The following SYK variants were observed in gnomAD, a reference collection of about 807,000 sequenced individuals.
The protein encoded by SYK is tyrosine-protein kinase SYK.
A neutral mutation model predicts 77.8 loss-of-function variants in SYK; 16 were observed. That is an observed-to-expected ratio of 0.21 (90% CI 0.14 to 0.31). The LOEUF is 0.31. Among genes scored for constraint, SYK ranks in the 10% least tolerant of loss-of-function variants. The pLI, the probability that SYK is intolerant of heterozygous loss-of-function variation, is 1.00. For synonymous variants in SYK, 312 were observed against 308.7 expected (o/e 1.01, Z -0.11); for missense variants, 529 against 814.4 (o/e 0.65, Z 4.26).
At chr9:90,853,364 T>A (rs1277068691) in intron 3 of SYK, among the ~76,000 whole-genome samples, 1 of 151,212 alleles carries the variant, frequency 6.6e-6, no homozygotes, top group Non-Finnish European at 1.5e-5. Context: ...AGCCATCCCA[T>A]TACTGGGTAT....
At chr9:90,830,896 A>T (rs1825863752) in intron 1 of SYK, among the ~76,000 whole-genome samples, 2 of 152,006 alleles carry the variant, frequency 1.3e-5, no homozygotes, top group African/African-American at 4.8e-5. Flanking sequence ...CCTCTTTCTT[A>T]TGAAAATTAA....
intron 7 of SYK, 51 bp downstream of exon 7, chr9:90,867,250 G>C (rs112910205): frequency 1.3e-6 from 2 of 1,580,544 alleles, no homozygotes; most frequent in South Asian, 2.2e-5. Flanking sequence ...GGACCAACGC[G>C]CACTCAGCTC....
At chr9:90,835,361 G>T (rs1307254816) in intron 1 of SYK, among the ~76,000 whole-genome samples, 1 of 152,190 alleles carries the variant, frequency 6.6e-6, no homozygotes, top group Non-Finnish European at 1.5e-5. Flanking sequence ...AGCTGGACAC[G>T]GGCCCAGGAA....
chr9:90,856,028 G>A (rs1827025921), intron 3 of SYK, among the ~76,000 whole-genome samples: 1 of 152,162 alleles, frequency 6.6e-6, no homozygotes, highest in African/African-American at 2.4e-5. Flanking sequence ...TTATTGGACT[G>A]GTTCCGATAA....
chr9:90,864,985 G>T, intron 5 of SYK, 63 bp from the exon 6 acceptor site: 3 of 1,499,868 alleles, frequency 2.0e-6, no homozygotes, highest in Non-Finnish European at 2.8e-6. Flanking sequence ...GATCTGCAGT[G>T]GGGAGGGGAA....
chr9:90,886,420 A>G (rs1828579687), intron 11 of SYK, among the ~76,000 whole-genome samples: 1 of 152,160 alleles, frequency 6.6e-6, no homozygotes, highest in Admixed American at 6.6e-5. Context: ...CAAAACAAAA[A>G]CAGGCTGGGC....
intron 6 of SYK, among the ~76,000 whole-genome samples, 182 bp from the exon 7 acceptor site, chr9:90,866,949 G>A (rs1277943245): frequency 6.6e-6 from 1 of 152,170 alleles, no homozygotes; most frequent in African/African-American, 2.4e-5. Context: ...CTTCCCAAGT[G>A]GCAGGCCCTT....
intron 1 of SYK, among the ~76,000 whole-genome samples, chr9:90,812,124 G>A (rs2387340): frequency 0.78 from 117,876 of 151,512 alleles, 46,268 homozygotes; most frequent in East Asian, 0.99. Flanking sequence ...CAGCAGCTTT[G>A]GGGGGAGGGG....
At chr9:90,891,367 T>C (rs1220016128) in intron 13 of SYK, among the ~76,000 whole-genome samples, 1 of 152,054 alleles carries the variant, frequency 6.6e-6, no homozygotes, top group African/African-American at 2.4e-5. Flanking sequence ...CAGGATGGTC[T>C]CGATCTCCTG....
chr9:90,833,181 T>C (rs949139350), intron 1 of SYK, among the ~76,000 whole-genome samples: 1 of 152,212 alleles, frequency 6.6e-6, no homozygotes, highest in African/African-American at 2.4e-5. Flanking sequence ...AGCCACTCTG[T>C]GTGCAAGGGA....
At chr9:90,844,393 C>T (rs551467167) in intron 2 of SYK, 78 bp downstream of exon 2, 2 of 1,416,928 alleles carry the variant, frequency 1.4e-6, no homozygotes, top group Admixed American at 2.8e-5. Context: ...ACATGCAACA[C>T]ATGTGCCTAT....
At chr9:90,830,108 T>C (rs1327361536) in intron 1 of SYK, among the ~76,000 whole-genome samples, 1 of 152,284 alleles carries the variant, frequency 6.6e-6, no homozygotes, top group African/African-American at 2.4e-5. Flanking sequence ...GTTTCTGAAT[T>C]GTGTATCTCT....
intron 9 of SYK, among the ~76,000 whole-genome samples, chr9:90,876,927 A>G (rs1316794973): frequency 6.6e-6 from 1 of 152,252 alleles, no homozygotes; most frequent in Non-Finnish European, 1.5e-5. Flanking sequence ...GTGAATCCCA[A>G]GATGTTACAG....
intron 13 of SYK, among the ~76,000 whole-genome samples, chr9:90,889,354 A>C (rs896916223): frequency 6.6e-6 from 1 of 152,362 alleles, no homozygotes; most frequent in East Asian, 1.9e-4. Flanking sequence ...TGAACTGTGC[A>C]CACAGAGCCC....
At chr9:90,883,272 C>G (rs539970160) in intron 11 of SYK, among the ~76,000 whole-genome samples, 1 of 152,188 alleles carries the variant, frequency 6.6e-6, no homozygotes, top group East Asian at 1.9e-4. Context: ...ACACTGCTCC[C>G]CCTGAGAATG....
At chr9:90,881,923 G>A (rs767376715) in intron 11 of SYK, among the ~76,000 whole-genome samples, 5 of 152,146 alleles carry the variant, frequency 3.3e-5, no homozygotes, top group African/African-American at 7.2e-5. Context: ...CGACTGCTCC[G>A]CAGGGTTTGG....
chr9:90,844,111 T>A lies in SYK; in HGVS notation c.213T>A (p.Asn71Lys). Residue 71 changes from asparagine (N) to lysine (K), a missense_variant, in exon 2 of 14, where the codon AAT becomes AAA. Coordinates refer to ENST00000375754, the MANE Select transcript of SYK (RefSeq NM_003177.7). ...AHHYTIERELNGTYAIAGGRT... is the reference protein window; with the variant it reads ...AHHYTIERELKGTYAIAGGRT... ...ACTACACCATCGAGCGGGAGCTGAATGGCACCTACGCCATCGCCGGTGGCA... is the reference window on the plus strand; with the variant it reads ...ACTACACCATCGAGCGGGAGCTGAAAGGCACCTACGCCATCGCCGGTGGCA... 1 of 1,613,678 alleles carries A rather than the reference T, an allele frequency of 6.2e-7. No homozygotes were observed. The highest frequency in any genetic ancestry group is 1.1e-5 in the South Asian group (1 of 91,022).
chr9:90,812,741 A>ATGTGTGTGTGTGTG (rs759021735), intron 1 of SYK, among the ~76,000 whole-genome samples: 60 of 109,944 alleles, frequency 5.5e-4, no homozygotes, highest in African/African-American at 1.1e-3. Flanking sequence ...CCCATTTGAT[A>ATGTGTGTGTGTGTG]TGTGTGTGTG....
intron 1 of SYK, among the ~76,000 whole-genome samples, chr9:90,842,920 A>G (rs750167661): frequency 8.5e-5 from 13 of 152,132 alleles, no homozygotes; most frequent in African/African-American, 2.2e-4. Context: ...GGGGCTGGCA[A>G]TATGTATCCT....
Sources: gnomAD v4.1 joint callset for allele counts (sites outside exome capture counted in the v4.1 genomes callset) on GRCh38, gnomAD v4.1.1 for gene constraint, MANE v1.5 for transcripts, NCBI Gene and HGNC (gene_info 2026-07-23, HGNC 2026-07-21) for gene names.